The following HAPLN1 variants were observed in gnomAD, a reference collection of about 807,000 sequenced individuals.
HAPLN1 encodes hyaluronan and proteoglycan link protein 1.
A neutral mutation model predicts 36.5 loss-of-function variants in HAPLN1; 13 were observed. The ratio of observed to expected loss-of-function variants is 0.36; its 90% CI spans 0.23 to 0.57. The LOEUF is 0.57. Ranked by LOEUF, HAPLN1 falls within the 20% of genes least tolerant of loss-of-function variation. The pLI, the probability that HAPLN1 is intolerant of heterozygous loss-of-function variation, is 0.83. For synonymous variants in HAPLN1, 202 were observed against 169.8 expected (o/e 1.19, Z -1.48); for missense variants, 407 against 439.7 (o/e 0.93, Z 0.66).
intron 1 of HAPLN1, among the ~76,000 whole-genome samples, chr5:83,714,777 A>C (rs1425679906): frequency 6.6e-6 from 1 of 152,224 alleles, no homozygotes; most frequent in Admixed American, 6.5e-5. Flanking sequence ...AAGGGCTCGA[A>C]ACTGTAGAAC....
At chr5:83,669,351 T>C (rs1750638680) in intron 2 of HAPLN1, among the ~76,000 whole-genome samples, 2 of 151,482 alleles carry the variant, frequency 1.3e-5, no homozygotes, top group East Asian at 3.9e-4. Flanking sequence ...ATACAAAGAG[T>C]AGCAGGGCAC....
chr5:83,688,844 A>C (rs982920675), intron 1 of HAPLN1, among the ~76,000 whole-genome samples: 14 of 151,890 alleles, frequency 9.2e-5, no homozygotes, highest in African/African-American at 3.4e-4. Flanking sequence ...GCTACTAAAA[A>C]TTCCTCTAAT....
chr5:83,645,471 C>CTTTTTTTTTTTTTTTTTTTTTTTTTT (rs1423821503), intron 3 of HAPLN1, among the ~76,000 whole-genome samples: 2 of 20,316 alleles, frequency 9.8e-5, no homozygotes, highest in African/African-American at 2.8e-4. Flanking sequence ...TTTTCTTTTT[C>CTTTTTTTTTTTTTTTTTTTTTTTTTT]TTTCTTTTTT....
rs531855015 is a variant in HAPLN1 at position 83,689,837 on chromosome 5, C to A, written c.-26-16288G>T. Among the ~76,000 whole-genome samples the A allele has an allele frequency of 4.6e-5, 7 of 152,134 alleles. No individual in the cohort carries two copies. In the South Asian group the frequency reaches 1.2e-3, roughly 27 times the overall value. Reference sequence around the variant, plus strand: ...ACATGCCCCAAATTAATGGCTAATTCTAAACCCAAATATATAAACTTAAAA... The same window carrying A: ...ACATGCCCCAAATTAATGGCTAATTATAAACCCAAATATATAAACTTAAAA... On this transcript the variant is annotated intron_variant, in intron 1 of 4. Transcript: ENST00000274341.
At chr5:83,650,481 A>G (rs1036543658) in intron 3 of HAPLN1, among the ~76,000 whole-genome samples, 3 of 152,156 alleles carry the variant, frequency 2.0e-5, no homozygotes, top group Admixed American at 2.0e-4. Flanking sequence ...CCAAAACAGC[A>G]CCTGTAAAAA....
chr5:83,685,960 T>C (rs182928610), intron 1 of HAPLN1: 27 of 152,092 alleles, frequency 1.8e-4, no homozygotes, highest in African/African-American at 6.3e-4. Context: ...CTATACTTTC[T>C]TGCAAGTATT....
In HAPLN1 at chr5:83,641,245, A is replaced by G. The variant is rs1285149305; in HGVS notation, c.*251T>C. 4.9e-6 allele frequency: 1 copy of G among 202,046 alleles called. No homozygotes were observed. The highest frequency in any genetic ancestry group is 2.3e-5 in the African/African-American group (1 of 43,320). The allele number at this position is 202,046 out of a possible 1,614,324, so 12.5% of individuals were successfully genotyped here. A position where few individuals can be genotyped will look rare whatever the true frequency, so the allele number is the denominator to read the frequency against. On this transcript the variant is annotated 3_prime_UTR_variant, in exon 5 of 5. Transcript: ENST00000274341. ...AAAGGATACTTTGTTGGGATGATAC[A>G]GCTTAAACAGTTTGGCTCTAAGTCT... is the stretch of plus-strand genomic sequence containing the variant.
chr5:83,718,930 G>C (rs565015213), intron 1 of HAPLN1, among the ~76,000 whole-genome samples: 1 of 152,124 alleles, frequency 6.6e-6, no homozygotes, highest in Non-Finnish European at 1.5e-5. Context: ...AAGATTCAAA[G>C]GACTTCTTCA....
At position 83,706,727 on chromosome 5, in the gene HAPLN1, C is replaced by A. The variant is rs571397509; in HGVS notation, c.-27+14062G>T. 1.1e-4 allele frequency among the ~76,000 whole-genome samples: 16 copies of A among 152,242 alleles called. No homozygotes were observed. The South Asian group carries it at 3.3e-3, about 32-fold the overall frequency. On this transcript the variant is annotated intron_variant, in intron 1 of 4. Coordinates refer to ENST00000274341, the MANE Select transcript of HAPLN1 (RefSeq NM_001884.4). ...TTTAACATAGTATTGGAAGTCCTAGCCACAGCAATCAGGCAAGAGAAAGAA... is the reference window on the plus strand; with the variant it reads ...TTTAACATAGTATTGGAAGTCCTAGACACAGCAATCAGGCAAGAGAAAGAA...
chr5:83,695,308 T>C (rs1751368140), intron 1 of HAPLN1, among the ~76,000 whole-genome samples: 1 of 151,820 alleles, frequency 6.6e-6, no homozygotes, highest in Non-Finnish European at 1.5e-5. Context: ...GTATTTTTAG[T>C]AGAGATGGGG....
rs149773969 is a variant in HAPLN1 at position 83,644,971 on chromosome 5, C to T, written c.473-306G>A. Among the ~76,000 whole-genome samples, 472 of 152,226 alleles carry T rather than the reference C, an allele frequency of 3.1e-3. 1 individual carries two copies. The highest frequency in any genetic ancestry group is 0.01 in the African/African-American group (434 of 41,528). Reference sequence around the variant, plus strand: ...CTACAGTTTACAGTTTCCAAATAGCCCTCCCCAGGAACTTACCATTTGCTG... The same window carrying T: ...CTACAGTTTACAGTTTCCAAATAGCTCTCCCCAGGAACTTACCATTTGCTG... On this transcript the variant is annotated intron_variant, in intron 3 of 4. Coordinates refer to ENST00000274341, the MANE Select transcript of HAPLN1 (RefSeq NM_001884.4).
rs1363348422 is a variant in HAPLN1, at chr5:83,720,805, G to A, written c.-43C>T. ...AAGTTTTACCTTGTCCTGAAATCCA[G>A]GAGTTCGGATGCTCTCAAGTTCTGC... On this transcript the variant is annotated 5_prime_UTR_variant, in exon 1 of 5. Coordinates refer to ENST00000274341, the MANE Select transcript of HAPLN1 (RefSeq NM_001884.4). The A allele has an allele frequency of 6.6e-6, 1 of 152,212 alleles. No homozygotes were observed. Among genetic ancestry groups the A allele is most frequent in the Non-Finnish European group, 1.5e-5 (1 of 68,054 alleles). 9.4% of individuals were successfully genotyped at this position (152,212 alleles called of 1,614,324 possible).
chr5:83,659,482 A>G (rs575905806), intron 2 of HAPLN1, among the ~76,000 whole-genome samples: 8 of 152,280 alleles, frequency 5.3e-5, no homozygotes, highest in Non-Finnish European at 1.0e-4. Context: ...AGTTGTGGGG[A>G]AAAGTGTGTA....
intron 3 of HAPLN1, chr5:83,652,154 T>C (rs753558964): frequency 1.5e-4 from 54 of 363,738 alleles, no homozygotes; most frequent in Non-Finnish European, 2.4e-4. Flanking sequence ...AACCATATAA[T>C]GGAATTTAGA....
At chr5:83,661,986 G>T (rs1264293717) in intron 2 of HAPLN1, among the ~76,000 whole-genome samples, 2 of 152,162 alleles carry the variant, frequency 1.3e-5, no homozygotes, top group East Asian at 3.9e-4. Context: ...TGTGACCTGG[G>T]ACAAGCTATG....
chr5:83,645,169 T>C (rs1749819200), intron 3 of HAPLN1, among the ~76,000 whole-genome samples: 1 of 152,248 alleles, frequency 6.6e-6, no homozygotes, highest in Admixed American at 6.5e-5. Flanking sequence ...AATGTTTTTC[T>C]TAGTGTTTTT....
chr5:83,667,957 C>A (rs992932697), intron 2 of HAPLN1, among the ~76,000 whole-genome samples: 6 of 152,158 alleles, frequency 3.9e-5, no homozygotes, highest in Non-Finnish European at 7.4e-5. Context: ...AATTTGCAAC[C>A]CAAATTCATA....
intron 1 of HAPLN1, among the ~76,000 whole-genome samples, chr5:83,698,136 TA>T (rs1392755066): frequency 6.6e-6 from 1 of 152,110 alleles, no homozygotes; most frequent in South Asian, 2.1e-4. Context: ...AAAAGTTTTA[TA>T]GTTTTAGTTC....
At chr5:83,681,463 A>G (rs1750997084) in intron 1 of HAPLN1, among the ~76,000 whole-genome samples, 1 of 152,142 alleles carries the variant, frequency 6.6e-6, no homozygotes, top group Non-Finnish European at 1.5e-5. Context: ...CAAATAAAAC[A>G]ACTCTCATTT....
Sources: gnomAD v4.1 joint callset for allele counts (sites outside exome capture counted in the v4.1 genomes callset) on GRCh38, gnomAD v4.1.1 for gene constraint, MANE v1.5 for transcripts, NCBI Gene and HGNC (gene_info 2026-07-23, HGNC 2026-07-21) for gene names.